The following DZIP1L variants were observed in gnomAD, a reference collection of about 807,000 sequenced individuals.
The protein encoded by DZIP1L is cilium assembly protein DZIP1L.
A neutral mutation model predicts 88.7 loss-of-function variants in DZIP1L; 90 were observed. That is an observed-to-expected ratio of 1.02 (90% CI 0.86 to 1.21). The LOEUF (loss-of-function observed/expected upper bound fraction) is 1.21. DZIP1L is among the 50% of genes most tolerant of loss of function. The probability of loss-of-function intolerance (pLI) is 0.00; values close to 1 mark genes in which losing one functional copy is unlikely to be tolerated. For missense variants in DZIP1L, 932 were observed against 955.8 expected, an observed-to-expected ratio of 0.98 and a Z score of 0.33; for synonymous variants, 363 against 372.1, an observed-to-expected ratio of 0.98 and a Z score of 0.28.
At position 138,097,667 on chromosome 3, in the gene DZIP1L, C is replaced by T. The variant is rs1417729425; in HGVS notation, c.586+96G>A. 9 of 1,097,358 alleles carry T rather than the reference C, an allele frequency of 8.2e-6. No individual in the cohort carries two copies. In the African/African-American group the frequency reaches 1.1e-4, roughly 13 times the overall value. The allele number at this position is 1,097,358 out of a possible 1,614,324, so 68.0% of individuals were successfully genotyped here. A position where few individuals can be genotyped will look rare whatever the true frequency, so the allele number is the denominator to read the frequency against. The stretch of plus-strand genomic sequence containing the variant: ...CAATTGGACAGTGAGGTTCTGAGAG[C>T]AGTTTTGGGTGCTATAGGTGGTCAC... On this transcript the variant is annotated intron_variant, in intron 3 of 15. Transcript: ENST00000327532.
At chr3:138,083,856 G>A (rs182597472) in intron 8 of DZIP1L, among the ~76,000 whole-genome samples, 1 of 152,322 alleles carries the variant, frequency 6.6e-6, no homozygotes. Flanking sequence ...GTGAGGTGCT[G>A]AGCGTTTTAT....
intron 12 of DZIP1L, 94 bp from the exon 13 acceptor site, chr3:138,068,461 G>C: frequency 2.2e-6 from 2 of 895,554 alleles, no homozygotes; most frequent in Non-Finnish European, 3.2e-6. Flanking sequence ...CCCTGGAAAT[G>C]AACAATTACT....
At chr3:138,115,058 G>C (rs1037405040) in intron 1 of DZIP1L, among the ~76,000 whole-genome samples, 25 of 152,104 alleles carry the variant, frequency 1.6e-4, no homozygotes, top group African/African-American at 5.8e-4. Flanking sequence ...CGTCCCCCGC[G>C]CACGGGTCCT....
At chr3:138,088,885 A>G (rs1437375067) in intron 5 of DZIP1L, 9 of 987,966 alleles carry the variant, frequency 9.1e-6, no homozygotes, top group Non-Finnish European at 9.6e-6. Flanking sequence ...ACCCCAGGCC[A>G]CTCCCTGAGG....
intron 1 of DZIP1L, among the ~76,000 whole-genome samples, chr3:138,110,217 G>A (rs779466138): frequency 1.4e-4 from 21 of 151,196 alleles, no homozygotes; most frequent in Non-Finnish European, 3.1e-4. Flanking sequence ...AATCAAACAC[G>A]GCCTGTTCTC....
At chr3:138,092,021 G>T (rs1029442050) in intron 5 of DZIP1L, among the ~76,000 whole-genome samples, 3 of 152,158 alleles carry the variant, frequency 2.0e-5, no homozygotes, top group African/African-American at 4.8e-5. Flanking sequence ...GCAAAAATAA[G>T]AATAATACCT....
chr3:138,114,377 A>C (rs938740412), intron 1 of DZIP1L, among the ~76,000 whole-genome samples: 1 of 152,178 alleles, frequency 6.6e-6, no homozygotes, highest in Non-Finnish European at 1.5e-5. Flanking sequence ...TATTTTATCA[A>C]GTTAGATAGT....
At chr3:138,104,832 T>C (rs548675065) in intron 1 of DZIP1L, among the ~76,000 whole-genome samples, 10 of 152,296 alleles carry the variant, frequency 6.6e-5, no homozygotes, top group African/African-American at 1.7e-4. Flanking sequence ...TCTAAACTCT[T>C]GGTGAGCATA....
chr3:138,105,715 G>A (rs1203400654), intron 1 of DZIP1L, among the ~76,000 whole-genome samples: 1 of 151,666 alleles, frequency 6.6e-6, no homozygotes, highest in East Asian at 1.9e-4. Context: ...CCACAGATAT[G>A]GAGAGTCAAC....
At chr3:138,114,387 T>C (rs533391968) in intron 1 of DZIP1L, among the ~76,000 whole-genome samples, 9 of 152,254 alleles carry the variant, frequency 5.9e-5, no homozygotes, top group African/African-American at 2.2e-4. Flanking sequence ...AGTTAGATAG[T>C]ATCAAAAAAT....
Position 138,093,404 on chromosome 3 carries a change from G to A in DZIP1L, c.709-860C>T, listed in dbSNP as rs139317717. Among the ~76,000 whole-genome samples the A allele has an allele frequency of 2.3e-3, 353 of 152,294 alleles. 2 individuals are homozygous for A. The highest frequency in any genetic ancestry group is 8.0e-3 in the African/African-American group (332 of 41,564). On this transcript the variant is annotated intron_variant, in intron 4 of 15. Coordinates refer to ENST00000327532, the MANE Select transcript of DZIP1L (RefSeq NM_173543.3). ...ATTTTTAGAGCACAGGTAGAGTAGA[G>A]CTAGCATAATTCTTAAGGGCCCTAG... is the stretch of plus-strand genomic sequence containing the variant.
intron 11 of DZIP1L, among the ~76,000 whole-genome samples, chr3:138,076,218 C>A (rs898721778): frequency 1.2e-4 from 19 of 152,146 alleles, no homozygotes; most frequent in Non-Finnish European, 5.9e-5. Context: ...TGTGATACCA[C>A]CTCACCCCTA....
At chr3:138,105,822 T>C (rs1002836582) in intron 1 of DZIP1L, among the ~76,000 whole-genome samples, 4 of 152,160 alleles carry the variant, frequency 2.6e-5, no homozygotes, top group Non-Finnish European at 5.9e-5. Flanking sequence ...ATAATTCATA[T>C]GTATGATTCA....
chr3:138,082,140 G>A (rs200713984), intron 8 of DZIP1L, among the ~76,000 whole-genome samples: 3 of 152,226 alleles, frequency 2.0e-5, no homozygotes, highest in African/African-American at 7.2e-5. Context: ...CAATGCGGGC[G>A]TCTGAGCAGA....
chr3:138,077,577 G>A lies in DZIP1L; in HGVS notation c.1344C>T (p.Asn448=). 1 of 1,614,184 alleles carries A rather than the reference G, an allele frequency of 6.2e-7. No homozygotes were observed. The stretch of plus-strand genomic sequence containing the variant: ...GTCTGAAGTGCTTCAGCAAAGTGGG[G>A]TTACGCCTCAGAGCTGCCAGCACCT... ...QHKVLAALRR[N]PTLLKHFRPI... is the part of the protein sequence containing the mutation. Residue 448 remains asparagine, a synonymous_variant, in exon 11 of 16, where the codon AAC becomes AAT. Coordinates refer to ENST00000327532, the MANE Select transcript of DZIP1L (RefSeq NM_173543.3).
Position 138,094,965 on chromosome 3 carries a change from T to C in DZIP1L, c.605A>G (p.Glu202Gly). The C allele has an allele frequency of 6.2e-7, 1 of 1,614,250 alleles. No individual in the cohort carries two copies. The highest frequency in any genetic ancestry group is 2.2e-5 in the East Asian group (1 of 44,890). Residue 202 changes from glutamate (E) to glycine (G), a missense_variant, in exon 4 of 16, where the codon GAA (glutamate) becomes GGA (glycine). Transcript: ENST00000327532. ...TTCTAACACCTCTTCCACTGGCTGT[T>C]CCTGTTTCTTCTGTTTTCCTGTGGG... ...VAEGGKQKKQ[E>G]QPVEEVLEEL...
intron 14 of DZIP1L, among the ~76,000 whole-genome samples, chr3:138,066,966 G>C (rs1408924418): frequency 1.3e-5 from 2 of 152,164 alleles, no homozygotes; most frequent in Non-Finnish European, 2.9e-5. Context: ...AGCCTGGCTG[G>C]AGTGTACCCT....
chr3:138,067,383 C>T (rs1192448641), intron 14 of DZIP1L, 148 bp downstream of exon 14: 1 of 883,940 alleles, frequency 1.1e-6, no homozygotes, highest in African/African-American at 1.8e-5. Flanking sequence ...CGAAGGAGGA[C>T]CATCCTTTCC....
intron 15 of DZIP1L, 106 bp downstream of exon 15, chr3:138,064,522 G>A: frequency 6.2e-7 from 1 of 1,612,882 alleles, no homozygotes; most frequent in South Asian, 1.1e-5. Context: ...CTAGGGCAAA[G>A]GATGACACTT....
Sources: allele counts gnomAD v4.1 joint callset (sites outside exome capture counted in the v4.1 genomes callset), GRCh38; gene constraint gnomAD v4.1.1; transcripts MANE v1.5; gene names NCBI Gene and HGNC (gene_info 2026-07-23, HGNC 2026-07-21).